PRICKLE1: variants seen among roughly 807,000 people sequenced by gnomAD.
The protein encoded by PRICKLE1 is prickle-like protein 1.
A neutral mutation model predicts 70.2 loss-of-function variants in PRICKLE1; 14 were observed. The ratio of observed to expected loss-of-function variants is 0.20; its 90% CI spans 0.13 to 0.31. The LOEUF (loss-of-function observed/expected upper bound fraction) is 0.31. Ranked by LOEUF, PRICKLE1 falls within the 10% of genes least tolerant of loss-of-function variation. The probability of loss-of-function intolerance (pLI) is 1.00; values close to 1 mark genes in which losing one functional copy is unlikely to be tolerated. For synonymous variants in PRICKLE1, 357 were observed against 379.9 expected (o/e 0.94, Z 0.70); for missense variants, 821 against 1,026.2 (o/e 0.80, Z 2.73).
intron 1 of PRICKLE1, among the ~76,000 whole-genome samples, chr12:42,564,788 C>T (rs1196286700): frequency 6.6e-6 from 1 of 152,044 alleles, no homozygotes; most frequent in African/African-American, 2.4e-5. Flanking sequence ...TTCCTAAGTC[C>T]TAGTAGAATG....
At chr12:42,470,216 T>A (rs1422758843) in intron 3 of PRICKLE1, 30 bp downstream of exon 3, 2 of 1,482,154 alleles carry the variant, frequency 1.3e-6, no homozygotes, top group Non-Finnish European at 1.9e-6. Flanking sequence ...TTCTTCTTTT[T>A]TCTAATTAGC....
chr12:42,497,293 T>C (rs57411229), intron 1 of PRICKLE1, among the ~76,000 whole-genome samples: 9,497 of 152,052 alleles, frequency 0.062, 915 homozygotes, highest in African/African-American at 0.21. Flanking sequence ...CGCCTGTAAT[T>C]CCAGCACTTT....
intron 1 of PRICKLE1, among the ~76,000 whole-genome samples, chr12:42,499,165 TA>T (rs112968052): frequency 0.17 from 26,420 of 151,674 alleles, 3,053 homozygotes; most frequent in African/African-American, 0.31. Context: ...CATGTACATT[TA>T]AAAAAAAATC....
chr12:42,559,062 C>A (rs770839189), intron 1 of PRICKLE1, among the ~76,000 whole-genome samples: 5 of 152,148 alleles, frequency 3.3e-5, no homozygotes, highest in Non-Finnish European at 5.9e-5. Context: ...AAAAGGAGCC[C>A]TTCTACTTCT....
intron 1 of PRICKLE1, among the ~76,000 whole-genome samples, chr12:42,553,232 T>C (rs1046703384): frequency 5.9e-5 from 9 of 151,698 alleles, no homozygotes; most frequent in Admixed American, 1.3e-4. Flanking sequence ...CACCTGAGGT[T>C]AGGAGATAGA....
intron 1 of PRICKLE1, among the ~76,000 whole-genome samples, chr12:42,518,674 T>C (rs968781059): frequency 6.6e-6 from 1 of 152,204 alleles, no homozygotes; most frequent in African/African-American, 2.4e-5. Context: ...TACATAGAAG[T>C]TGTAAGATGA....
intron 1 of PRICKLE1, among the ~76,000 whole-genome samples, chr12:42,562,204 C>T (rs1157618134): frequency 1.3e-5 from 2 of 152,156 alleles, no homozygotes; most frequent in African/African-American, 4.8e-5. Flanking sequence ...GCCACTGTGC[C>T]TGGCTCCCAC....
intron 1 of PRICKLE1, among the ~76,000 whole-genome samples, chr12:42,573,043 C>G (rs1048171297): frequency 3.9e-5 from 6 of 152,072 alleles, no homozygotes; most frequent in African/African-American, 1.4e-4. Flanking sequence ...TCAGTTAATC[C>G]AGTGAGTTCC....
chr12:42,461,234 G>A (rs189905070), intron 7 of PRICKLE1, among the ~76,000 whole-genome samples: 46 of 152,270 alleles, frequency 3.0e-4, no homozygotes, highest in African/African-American at 1.0e-3. Context: ...AAGTAGTTAC[G>A]GCACATGGCA....
chr12:42,564,805 A>C (rs1488851475), intron 1 of PRICKLE1, among the ~76,000 whole-genome samples: 1 of 152,202 alleles, frequency 6.6e-6, no homozygotes, highest in South Asian at 2.1e-4. Flanking sequence ...AATGTAAACA[A>C]AAGCAAAAGG....
intron 7 of PRICKLE1, among the ~76,000 whole-genome samples, chr12:42,462,563 G>C (rs1484287022): frequency 1.3e-5 from 2 of 152,066 alleles, no homozygotes; most frequent in Non-Finnish European, 2.9e-5. Flanking sequence ...GCAGACAAAA[G>C]GTGCTTACTC....
intron 1 of PRICKLE1, among the ~76,000 whole-genome samples, chr12:42,493,649 C>G (rs528975317): frequency 1.0e-3 from 159 of 152,188 alleles, no homozygotes; most frequent in African/African-American, 3.6e-3. Flanking sequence ...TCAGGATACC[C>G]TCCTTCTTGC....
chr12:42,550,873 C>A lies in PRICKLE1; in HGVS notation c.-49+38592G>T, dbSNP rs548623557. On this transcript the variant is annotated intron_variant, in intron 1 of 7. Coordinates refer to ENST00000345127, the MANE Select transcript of PRICKLE1 (RefSeq NM_153026.3). ...GCATACCTTGACTAACAGGGTGACA[C>A]ACAGATTCCTGCCTGAAGTACTAGG... Among the ~76,000 whole-genome samples, 96 of 152,328 alleles carry A rather than the reference C, an allele frequency of 6.3e-4. 2 individuals are homozygous for A. Among genetic ancestry groups the A allele is most frequent in the African/African-American group, 2.1e-3 (86 of 41,576 alleles).
intron 1 of PRICKLE1, among the ~76,000 whole-genome samples, chr12:42,502,534 C>G (rs12822377): frequency 0.15 from 23,104 of 151,966 alleles, 1,766 homozygotes; most frequent in Non-Finnish European, 0.17. Context: ...TGATCTTGAA[C>G]TTGTAGGCTC....
chr12:42,494,701 G>A (rs1939162917), intron 1 of PRICKLE1, among the ~76,000 whole-genome samples: 1 of 151,648 alleles, frequency 6.6e-6, no homozygotes, highest in African/African-American at 2.4e-5. Context: ...CAGCTACTCA[G>A]GAGGCTGGGG....
At chr12:42,467,126 T>A (rs1336957603) in intron 5 of PRICKLE1, among the ~76,000 whole-genome samples, 1 of 152,022 alleles carries the variant, frequency 6.6e-6, no homozygotes, top group Non-Finnish European at 1.5e-5. Context: ...TTTTATTTTT[T>A]ATTTTTTTGA....
intron 6 of PRICKLE1, chr12:42,465,855 A>C (rs1938077421): frequency 2.5e-6 from 1 of 394,304 alleles, no homozygotes; most frequent in Non-Finnish European, 4.7e-6. Context: ...TTAAGCAAAA[A>C]CACACGTGAA....
intron 1 of PRICKLE1, among the ~76,000 whole-genome samples, chr12:42,473,381 G>T (rs1034493258): frequency 6.6e-6 from 1 of 152,136 alleles, no homozygotes; most frequent in Non-Finnish European, 1.5e-5. Context: ...AGCCTGCTAT[G>T]GGCAGAGTAA....
At chr12:42,472,250 A>G in intron 2 of PRICKLE1, 135 bp downstream of exon 2, 1 of 1,027,974 alleles carries the variant, frequency 9.7e-7, no homozygotes, top group Non-Finnish European at 1.5e-6. Flanking sequence ...TCAAAGCCAT[A>G]CAAAGAAGAA....
Sources: gnomAD v4.1 joint callset for allele counts (sites outside exome capture counted in the v4.1 genomes callset) on GRCh38, gnomAD v4.1.1 for gene constraint, MANE v1.5 for transcripts, NCBI Gene and HGNC (gene_info 2026-07-23, HGNC 2026-07-21) for gene names.